MACROD2: variants seen among roughly 807,000 people sequenced by gnomAD.
MACROD2 encodes mono-ADP ribosylhydrolase 2, also known as ADP-ribose glycohydrolase MACROD2.
Under a neutral mutation model 70.4 loss-of-function variants are expected in MACROD2, and 36 were observed. That is an observed-to-expected ratio of 0.51 (90% CI 0.39 to 0.68). MACROD2 has a LOEUF of 0.68. Ranked by LOEUF, MACROD2 falls within the 30% of genes least tolerant of loss-of-function variation. The pLI is 0.00. For synonymous variants in MACROD2, 172 were observed against 178.8 expected, an observed-to-expected ratio of 0.96 and a Z score of 0.30; for missense variants, 496 against 538.4, an observed-to-expected ratio of 0.92 and a Z score of 0.78.
chr20:15,270,103 T>C (rs1397562823), intron 6 of MACROD2, among the ~76,000 whole-genome samples: 1 of 151,898 alleles, frequency 6.6e-6, no homozygotes, highest in African/African-American at 2.4e-5. Context: ...AGAGGCAGAT[T>C]TCTCCTGAAG....
At chr20:14,971,732 C>G (rs1305568388) in intron 5 of MACROD2, among the ~76,000 whole-genome samples, 1 of 152,098 alleles carries the variant, frequency 6.6e-6, no homozygotes. Flanking sequence ...TTGGTTGGAT[C>G]AGGTGTGACA....
intron 8 of MACROD2, among the ~76,000 whole-genome samples, chr20:15,729,767 T>C (rs1057236307): frequency 2.0e-5 from 3 of 151,394 alleles, no homozygotes; most frequent in Non-Finnish European, 2.9e-5. Flanking sequence ...CCCTTTACTT[T>C]GAGCCTATGG....
At chr20:15,947,531 G>A (rs2065841800) in intron 12 of MACROD2, among the ~76,000 whole-genome samples, 1 of 152,108 alleles carries the variant, frequency 6.6e-6, no homozygotes, top group Admixed American at 6.6e-5. Flanking sequence ...TCAAGGTTGG[G>A]GCAAAGTTAC....
chr20:15,326,308 A>C (rs1253250697), intron 6 of MACROD2, among the ~76,000 whole-genome samples: 2 of 152,112 alleles, frequency 1.3e-5, no homozygotes, highest in African/African-American at 4.8e-5. Flanking sequence ...CCAGCTTTAC[A>C]TACAGCCCCC....
intron 8 of MACROD2, among the ~76,000 whole-genome samples, chr20:15,804,316 C>A (rs562785242): frequency 3.3e-5 from 5 of 152,156 alleles, no homozygotes; most frequent in African/African-American, 1.2e-4. Context: ...TATGTGTATA[C>A]GAAATCCTTA....
chr20:15,751,118 G>C (rs1274484344), intron 8 of MACROD2, among the ~76,000 whole-genome samples: 1 of 151,898 alleles, frequency 6.6e-6, no homozygotes, highest in South Asian at 2.1e-4. Flanking sequence ...TTACAAAATA[G>C]CAAGAAGATA....
chr20:14,785,330 T>C (rs533759691), intron 5 of MACROD2, among the ~76,000 whole-genome samples: 21 of 152,166 alleles, frequency 1.4e-4, no homozygotes, highest in Admixed American at 1.0e-3. Flanking sequence ...CTCTCCTGTT[T>C]CCCACCCATT....
At chr20:14,461,061 T>C (rs552790741) in intron 3 of MACROD2, among the ~76,000 whole-genome samples, 1 of 152,164 alleles carries the variant, frequency 6.6e-6, no homozygotes, top group South Asian at 2.1e-4. Context: ...GTCCTGGGCT[T>C]TTTTGGGTTG....
intron 3 of MACROD2, among the ~76,000 whole-genome samples, chr20:14,232,616 T>G (rs1303525859): frequency 6.6e-6 from 1 of 152,242 alleles, no homozygotes; most frequent in East Asian, 1.9e-4. Flanking sequence ...TCTGTCAGCC[T>G]TCATAGAATT....
At chr20:15,726,391 C>A (rs1369269876) in intron 8 of MACROD2, among the ~76,000 whole-genome samples, 1 of 152,060 alleles carries the variant, frequency 6.6e-6, no homozygotes, top group Non-Finnish European at 1.5e-5. Flanking sequence ...CTGCAATGAA[C>A]ACACATGTAC....
chr20:15,634,593 C>T (rs1391229490), intron 8 of MACROD2, among the ~76,000 whole-genome samples: 1 of 152,156 alleles, frequency 6.6e-6, no homozygotes, highest in East Asian at 1.9e-4. Context: ...CGTTACTTAC[C>T]TTATGGGGAT....
chr20:15,977,521 G>A (rs1003799751), intron 13 of MACROD2, among the ~76,000 whole-genome samples: 1 of 152,184 alleles, frequency 6.6e-6, no homozygotes, highest in African/African-American at 2.4e-5. Context: ...TGTTGTTAAA[G>A]GATGCAAGAG....
At chr20:15,202,062 A>G (rs1259070071) in intron 5 of MACROD2, among the ~76,000 whole-genome samples, 31 of 152,196 alleles carry the variant, frequency 2.0e-4, no homozygotes. Context: ...TATCACTCAA[A>G]GATCACTCAT....
chr20:14,857,881 T>C (rs1293171615), intron 5 of MACROD2, among the ~76,000 whole-genome samples: 1 of 152,070 alleles, frequency 6.6e-6, no homozygotes, highest in African/African-American at 2.4e-5. Context: ...AGTACAGTGG[T>C]GCGATCTCGG....
chr20:15,638,446 A>G (rs938362061), intron 8 of MACROD2, among the ~76,000 whole-genome samples: 5 of 152,208 alleles, frequency 3.3e-5, no homozygotes, highest in Non-Finnish European at 7.3e-5. Context: ...AAAGCTAGCA[A>G]TATTAACAGG....
chr20:15,931,118 G>A (rs2065569939), intron 10 of MACROD2, among the ~76,000 whole-genome samples: 1 of 152,162 alleles, frequency 6.6e-6, no homozygotes, highest in South Asian at 2.1e-4. Context: ...TTGGTGGGAG[G>A]AAAGGGACAG....
At chr20:14,487,032 A>G (rs1442594289) in intron 3 of MACROD2, among the ~76,000 whole-genome samples, 1 of 152,204 alleles carries the variant, frequency 6.6e-6, no homozygotes, top group African/African-American at 2.4e-5. Flanking sequence ...TTAAACTCCC[A>G]TGAGGGCATA....
intron 4 of MACROD2, among the ~76,000 whole-genome samples, chr20:14,664,271 T>G (rs1256203525): frequency 6.6e-6 from 1 of 152,100 alleles, no homozygotes; most frequent in Non-Finnish European, 1.5e-5. Context: ...GTTCCACTGT[T>G]ACAGCCAAAA....
chr20:14,968,484 T>C (rs6034076), intron 5 of MACROD2, among the ~76,000 whole-genome samples: 3,353 of 152,044 alleles, frequency 0.022, 134 homozygotes, highest in African/African-American at 0.075. Context: ...TTTAAATTAG[T>C]GGGACTGGGG....
Sources: gnomAD v4.1 joint callset for allele counts (sites outside exome capture counted in the v4.1 genomes callset) on GRCh38, gnomAD v4.1.1 for gene constraint, MANE v1.5 for transcripts, NCBI Gene and HGNC (gene_info 2026-07-23, HGNC 2026-07-21) for gene names.